Variants in IMMP2L observed in about 807,000 individuals in gnomAD.
The protein encoded by IMMP2L is mitochondrial inner membrane protease subunit 2.
In IMMP2L, 18 loss-of-function variants were observed where a neutral mutation model predicts 19.3. That is an observed-to-expected ratio of 0.93 (90% CI 0.64 to 1.38). The LOEUF is 1.38. Ranked by LOEUF, IMMP2L falls within the 40% of genes most tolerant of loss-of-function variation. The probability of loss-of-function intolerance (pLI) is 0.00; values close to 1 mark genes in which losing one functional copy is unlikely to be tolerated. For synonymous variants in IMMP2L, 76 were observed against 73.0 expected, an observed-to-expected ratio of 1.04 and a Z score of -0.21; for missense variants, 233 against 218.2, an observed-to-expected ratio of 1.07 and a Z score of -0.43.
At chr7:111,173,949 T>A (rs1806741780) in intron 3 of IMMP2L, among the ~76,000 whole-genome samples, 1 of 151,744 alleles carries the variant, frequency 6.6e-6, no homozygotes, top group South Asian at 2.1e-4. Flanking sequence ...ATATTAACAA[T>A]GCTTACTGAG....
intron 5 of IMMP2L, among the ~76,000 whole-genome samples, chr7:110,785,290 C>G (rs1212041425): frequency 6.6e-6 from 1 of 151,976 alleles, no homozygotes; most frequent in Non-Finnish European, 1.5e-5. Context: ...CTTATTATCA[C>G]TTTTAAGTAA....
intron 3 of IMMP2L, among the ~76,000 whole-genome samples, chr7:111,085,180 T>G (rs182073304): frequency 2.4e-4 from 36 of 152,370 alleles, no homozygotes; most frequent in Admixed American, 2.0e-3. Context: ...CATCCTTGAT[T>G]GTGAATTTCT....
chr7:110,894,717 T>C (rs1325205248), intron 4 of IMMP2L, among the ~76,000 whole-genome samples: 1 of 152,198 alleles, frequency 6.6e-6, no homozygotes, highest in Non-Finnish European at 1.5e-5. Flanking sequence ...TCTGATGAAG[T>C]CTATTTAAAA....
chr7:110,753,856 ATAAT>A (rs1370115826), intron 5 of IMMP2L, among the ~76,000 whole-genome samples: 5 of 151,872 alleles, frequency 3.3e-5, no homozygotes, highest in Non-Finnish European at 7.4e-5. Flanking sequence ...AAACACCACT[ATAAT>A]TAACTTATTT....
intron 3 of IMMP2L, among the ~76,000 whole-genome samples, chr7:111,304,122 A>T (rs1822570633): frequency 6.6e-6 from 1 of 152,128 alleles, no homozygotes; most frequent in Admixed American, 6.6e-5. Flanking sequence ...CCTTTGGGAA[A>T]CACTGCTTCC....
rs1483555160 is a variant in IMMP2L at position 110,924,581 on chromosome 7, T to C, written c.306-37886A>G. On this transcript the variant is annotated intron_variant, in intron 4 of 5. Coordinates refer to ENST00000405709, the MANE Select transcript of IMMP2L (RefSeq NM_032549.4). This position sits in a 1 kb window ranked among gnomAD's most constrained non-coding sequence, Gnocchi z 4.2. Reference sequence around the variant, plus strand: ...AAAGGGCAGATAATAACGTCCTCACTAGGAAACAGGATTCTCAAGTTAGAG... The same window carrying C: ...AAAGGGCAGATAATAACGTCCTCACCAGGAAACAGGATTCTCAAGTTAGAG... Among the ~76,000 whole-genome samples, 1 of 152,154 alleles carries C rather than the reference T, an allele frequency of 6.6e-6. No individual in the cohort carries two copies. Among genetic ancestry groups the C allele is most frequent in the East Asian group, 1.9e-4 (1 of 5,196 alleles).
chr7:111,055,838 T>C (rs369712654), intron 3 of IMMP2L, among the ~76,000 whole-genome samples: 1 of 152,218 alleles, frequency 6.6e-6, no homozygotes, highest in Admixed American at 6.5e-5. Flanking sequence ...TACATTCTTA[T>C]AATCATGGGA....
rs12334096 is a variant in IMMP2L at position 110,760,028 on chromosome 7, C to A, written c.409-96307G>T. ...GAAAAAAAGCTTCCTTTTCTCCCCACAATGCCAGTTAAGCCTTCCATTTAA... is the reference window on the plus strand; with the variant it reads ...GAAAAAAAGCTTCCTTTTCTCCCCAAAATGCCAGTTAAGCCTTCCATTTAA... On this transcript the variant is annotated intron_variant, in intron 5 of 5. Transcript: ENST00000405709. This position sits in a 1 kb window ranked among gnomAD's most constrained non-coding sequence, Gnocchi z 4.2. 0.21 allele frequency among the ~76,000 whole-genome samples: 31,291 copies of A among 151,988 alleles called. 3,766 individuals carry two copies. Among genetic ancestry groups the A allele is most frequent in the African/African-American group, 0.33 (13,740 of 41,446 alleles).
At chr7:111,084,515 G>C (rs757318906) in intron 3 of IMMP2L, among the ~76,000 whole-genome samples, 2 of 152,076 alleles carry the variant, frequency 1.3e-5, no homozygotes, top group Non-Finnish European at 2.9e-5. Context: ...AATTTTACTT[G>C]CAAGAGCACT....
chr7:111,015,127 A>G (rs919667127), intron 3 of IMMP2L, among the ~76,000 whole-genome samples: 6 of 152,206 alleles, frequency 3.9e-5, no homozygotes, highest in Admixed American at 3.3e-4. Flanking sequence ...AGCAATAGTC[A>G]CAATAGCCAA....
intron 4 of IMMP2L, among the ~76,000 whole-genome samples, chr7:110,900,781 C>T (rs149309337): frequency 6.6e-6 from 1 of 152,112 alleles, no homozygotes; most frequent in Non-Finnish European, 1.5e-5. Context: ...ATTGTGACAA[C>T]TAAAAATGTC....
chr7:111,455,430 G>C (rs1839596252), intron 3 of IMMP2L, among the ~76,000 whole-genome samples: 1 of 151,958 alleles, frequency 6.6e-6, no homozygotes, highest in Non-Finnish European at 1.5e-5. Context: ...ATCACTAAAA[G>C]TATGACTTTT....
intron 3 of IMMP2L, among the ~76,000 whole-genome samples, chr7:111,072,832 A>G (rs563078457): frequency 6.6e-6 from 1 of 151,096 alleles, no homozygotes; most frequent in Non-Finnish European, 1.5e-5. Context: ...GAGGCGGAGC[A>G]GCGGAGCTTG....
intron 5 of IMMP2L, among the ~76,000 whole-genome samples, chr7:110,751,653 GT>G (rs1771575684): frequency 1.3e-5 from 2 of 152,026 alleles, no homozygotes; most frequent in African/African-American, 4.8e-5. Context: ...AACACGGCAA[GT>G]TAGTAACCAG....
chr7:111,315,255 C>A (rs141257457), intron 3 of IMMP2L, among the ~76,000 whole-genome samples: 1 of 152,100 alleles, frequency 6.6e-6, no homozygotes, highest in Non-Finnish European at 1.5e-5. Flanking sequence ...GGCAGTCCTG[C>A]AGAGAGAAGT....
intron 1 of IMMP2L, among the ~76,000 whole-genome samples, chr7:111,528,035 T>G (rs1484649755): frequency 2.0e-5 from 3 of 152,182 alleles, no homozygotes; most frequent in Non-Finnish European, 4.4e-5. Context: ...TGTTAAAAGC[T>G]TCTATCATGT....
chr7:110,720,300 T>A (rs1459518426), intron 5 of IMMP2L, among the ~76,000 whole-genome samples: 3 of 152,172 alleles, frequency 2.0e-5, no homozygotes, highest in African/African-American at 7.2e-5. Flanking sequence ...AGCTAAAGGA[T>A]AAAGAGTCAG....
At position 111,553,436 on chromosome 7, in the gene IMMP2L, C is replaced by G. The variant is rs149145510; in HGVS notation, c.-3+8415G>C. 5.6e-3 allele frequency among the ~76,000 whole-genome samples: 846 copies of G among 152,246 alleles called. 6 individuals carry two copies. Among genetic ancestry groups the G allele is most frequent in the African/African-American group, 0.019 (808 of 41,562 alleles). ...TTCTTAACGAATATAATGGGAATCT[C>G]CAAAATAAGTCCATTTGTGGTGCTC... On this transcript the variant is annotated intron_variant, in intron 1 of 5. Transcript: ENST00000405709.
intron 3 of IMMP2L, among the ~76,000 whole-genome samples, chr7:111,189,373 GAAAA>G (rs10595657): frequency 6.9e-6 from 1 of 145,256 alleles, no homozygotes; most frequent in African/African-American, 2.5e-5. Flanking sequence ...CTTTTTTAAT[GAAAA>G]AAAAAAAAAA....
Sources: allele counts gnomAD v4.1 joint callset (sites outside exome capture counted in the v4.1 genomes callset), GRCh38; gene constraint gnomAD v4.1.1; non-coding constraint Gnocchi (gnomAD v3.1); transcripts MANE v1.5; gene names NCBI Gene and HGNC (gene_info 2026-07-23, HGNC 2026-07-21).